The following ARHGEF11 variants were observed in gnomAD, a reference collection of about 807,000 sequenced individuals.
ARHGEF11 encodes Rho guanine exchange factor (GEF) 11.
Under a neutral mutation model 193.7 loss-of-function variants are expected in ARHGEF11, and 55 were observed. The observed-to-expected ratio is 0.28, with a 90% CI of 0.23 to 0.36. The LOEUF is 0.36. Ranked by LOEUF, ARHGEF11 falls within the 10% of genes least tolerant of loss-of-function variation. The pLI is 1.00. For missense variants in ARHGEF11, 1,723 were observed against 2,005.6 expected, an observed-to-expected ratio of 0.86 and a Z score of 2.69; for synonymous variants, 693 against 768.0, an observed-to-expected ratio of 0.90 and a Z score of 1.62.
At chr1:157,019,517 C>T (rs1669700200) in intron 1 of ARHGEF11, among the ~76,000 whole-genome samples, 1 of 152,052 alleles carries the variant, frequency 6.6e-6, no homozygotes. Flanking sequence ...ATCATATGAC[C>T]CAGCCATTCT....
chr1:156,939,922 A>G lies in ARHGEF11; in HGVS notation c.3734-12T>C. On this transcript the variant is annotated splice_polypyrimidine_tract_variant and intron_variant, in intron 36 of 40. Transcript: ENST00000368194. Reference sequence around the variant, plus strand: ...TCGCAGGTTCTCCACTGGAGGGGAAACAGGGTGATGTCTTCCCAGCATGGG... The same window carrying G: ...TCGCAGGTTCTCCACTGGAGGGGAAGCAGGGTGATGTCTTCCCAGCATGGG... The G allele has an allele frequency of 6.3e-7, 1 of 1,599,292 alleles. No homozygotes were observed. Among genetic ancestry groups the G allele is most frequent in the Admixed American group, 1.7e-5 (1 of 59,196 alleles).
At chr1:157,024,841 T>C (rs578156873) in intron 1 of ARHGEF11, among the ~76,000 whole-genome samples, 35 of 152,344 alleles carry the variant, frequency 2.3e-4, no homozygotes, top group African/African-American at 8.4e-4. Context: ...CATCATCTCT[T>C]GACTAGACTA....
At chr1:156,996,634 G>A (rs113473557) in intron 1 of ARHGEF11, among the ~76,000 whole-genome samples, 2,357 of 151,648 alleles carry the variant, frequency 0.016, 57 homozygotes, top group African/African-American at 0.048. Flanking sequence ...TTAGCCGGGC[G>A]TGGTAGCGGG....
At chr1:156,971,442 ATTTC>A (rs1435050397) in intron 8 of ARHGEF11, among the ~76,000 whole-genome samples, 6 of 152,202 alleles carry the variant, frequency 3.9e-5, no homozygotes, top group African/African-American at 7.2e-5. Flanking sequence ...TTTATTTCAT[ATTTC>A]TTTCTTTCCA....
At position 157,032,429 on chromosome 1, in the gene ARHGEF11, T is replaced by C. The variant is rs551042473; in HGVS notation, c.32+11870A>G. 2.2e-4 allele frequency among the ~76,000 whole-genome samples: 34 copies of C among 152,304 alleles called. No individual in the cohort carries two copies. The South Asian group carries it at 6.4e-3, about 29-fold the overall frequency. On this transcript the variant is annotated intron_variant, in intron 1 of 40. Coordinates refer to ENST00000368194, the MANE Select transcript of ARHGEF11 (RefSeq NM_198236.3). The stretch of plus-strand genomic sequence containing the variant: ...GCCAGTATTGGCATCATCTGGGAAG[T>C]TGTAACAATGCAGATCCTCAGGCCC...
intron 36 of ARHGEF11, 76 bp downstream of exon 36, chr1:156,940,131 G>A: frequency 6.8e-7 from 1 of 1,480,314 alleles, no homozygotes; most frequent in East Asian, 2.3e-5. Context: ...AAGGTGGAGG[G>A]TGCAGGCGCC....
upstream of ARHGEF11, among the ~76,000 whole-genome samples, chr1:157,045,852 C>T (rs1454160830): frequency 3.3e-5 from 5 of 151,100 alleles, no homozygotes; most frequent in Non-Finnish European, 7.4e-5. Flanking sequence ...TCCTTCCCTG[C>T]GAGCCTTTCT....
chr1:156,953,254 G>A (rs756234083), intron 21 of ARHGEF11, among the ~76,000 whole-genome samples: 11 of 152,138 alleles, frequency 7.2e-5, no homozygotes, highest in Non-Finnish European at 1.6e-4. Context: ...GACCAGGCTG[G>A]GCATATAGTG....
At chr1:156,973,933 T>C (rs545086710) in intron 7 of ARHGEF11, among the ~76,000 whole-genome samples, 6 of 152,336 alleles carry the variant, frequency 3.9e-5, no homozygotes, top group African/African-American at 1.4e-4. Flanking sequence ...AGAACACTGG[T>C]TTGAAAATGT....
chr1:156,963,853 G>A lies in ARHGEF11; in HGVS notation c.964-259C>T, dbSNP rs1661329456. The stretch of plus-strand genomic sequence containing the variant: ...TGACATATGAAGATGGGAAGTAGGA[G>A]AAAATGCTCTCTTCCTGTTTGCAAA... On this transcript the variant is annotated intron_variant, in intron 11 of 40. Transcript: ENST00000368194. 1.0e-5 allele frequency: 11 copies of A among 1,074,466 alleles called. No homozygotes were observed. The South Asian group carries it at 1.8e-4, about 18-fold the overall frequency. The allele number at this position is 1,074,466 out of a possible 1,614,324, so 66.6% of individuals were successfully genotyped here. A position where few individuals can be genotyped will look rare whatever the true frequency, so the allele number is the denominator to read the frequency against.
Position 157,044,408 on chromosome 1 carries a change from G to T in ARHGEF11, c.-78C>A. 1 of 1,466,664 alleles carries T rather than the reference G, an allele frequency of 6.8e-7. No individual in the cohort carries two copies. The highest frequency in any genetic ancestry group is 9.5e-7 in the Non-Finnish European group (1 of 1,048,238). 90.9% of individuals were successfully genotyped at this position (1,466,664 alleles called of 1,614,324 possible). ...CAGGATTGAATCGCTTGCAATTTTT[G>T]AGCAAGGTGAGAGGAGGGCCTCCCA... On this transcript the variant is annotated 5_prime_UTR_variant, in exon 1 of 41. Coordinates refer to ENST00000368194, the MANE Select transcript of ARHGEF11 (RefSeq NM_198236.3).
intron 4 of ARHGEF11, among the ~76,000 whole-genome samples, chr1:156,980,147 T>C (rs1663914279): frequency 6.6e-6 from 1 of 152,204 alleles, no homozygotes; most frequent in African/African-American, 2.4e-5. Context: ...TTACTAACCC[T>C]CCCTCTTAAT....
intron 1 of ARHGEF11, among the ~76,000 whole-genome samples, chr1:157,000,351 TTAAATA>T (rs1667069721): frequency 6.6e-6 from 1 of 152,212 alleles, no homozygotes; most frequent in Non-Finnish European, 1.5e-5. Context: ...TGATAATACC[TTAAATA>T]TAAATTCTCA....
chr1:156,946,830 G>C (rs369342314), intron 27 of ARHGEF11, 43 bp from the exon 28 acceptor site: 3 of 1,601,784 alleles, frequency 1.9e-6, no homozygotes, highest in Non-Finnish European at 8.5e-7. Flanking sequence ...TCAAACCCCT[G>C]CCTGGGACCA....
chr1:156,955,614 G>T, intron 20 of ARHGEF11, 89 bp downstream of exon 20: 1 of 1,035,026 alleles, frequency 9.7e-7, no homozygotes, highest in Non-Finnish European at 1.5e-6. Flanking sequence ...CAGAAACACA[G>T]GAAGGCCCTC....
intron 1 of ARHGEF11, among the ~76,000 whole-genome samples, chr1:157,006,119 C>T (rs1571460995): frequency 1.3e-5 from 2 of 152,154 alleles, no homozygotes; most frequent in African/African-American, 4.8e-5. Flanking sequence ...TTGATGGCAG[C>T]CAGGACATCA....
intron 1 of ARHGEF11, among the ~76,000 whole-genome samples, chr1:157,012,942 G>A (rs900326662): frequency 1.2e-4 from 19 of 152,202 alleles, no homozygotes; most frequent in African/African-American, 4.6e-4. Context: ...AACTAAAATA[G>A]GGCACAAGCC....
intron 1 of ARHGEF11, among the ~76,000 whole-genome samples, chr1:156,998,184 G>C (rs906888997): frequency 6.6e-6 from 1 of 152,166 alleles, no homozygotes; most frequent in Non-Finnish European, 1.5e-5. Context: ...AGCAGAGCCC[G>C]GCTCTGAGGG....
intron 1 of ARHGEF11, among the ~76,000 whole-genome samples, chr1:157,032,769 G>A (rs1032004730): frequency 1.3e-5 from 2 of 152,064 alleles, no homozygotes; most frequent in Non-Finnish European, 2.9e-5. Flanking sequence ...AACCACGCAC[G>A]GAGGCCATGA....
Sources: allele counts gnomAD v4.1 joint callset (sites outside exome capture counted in the v4.1 genomes callset), GRCh38; gene constraint gnomAD v4.1.1; transcripts MANE v1.5; gene names NCBI Gene and HGNC (gene_info 2026-07-23, HGNC 2026-07-21).